BTRC: variants seen among roughly 807,000 people sequenced by gnomAD.
The protein encoded by BTRC is beta-transducin repeat containing E3 ubiquitin protein ligase, also known as F-box/WD repeat-containing protein 1A.
Under a neutral mutation model 85.5 loss-of-function variants are expected in BTRC, and 42 were observed. That is an observed-to-expected ratio of 0.49 (90% CI 0.38 to 0.64). The LOEUF is 0.64. Ranked by LOEUF, BTRC falls within the 30% of genes least tolerant of loss-of-function variation. BTRC has a pLI of 0.00. For missense variants in BTRC, 594 were observed against 743.5 expected (o/e 0.80, Z 2.34); for synonymous variants, 255 against 263.3 (o/e 0.97, Z 0.30).
intron 3 of BTRC, among the ~76,000 whole-genome samples, chr10:101,472,117 T>A (rs1300997959): frequency 6.6e-6 from 1 of 152,192 alleles, no homozygotes; most frequent in East Asian, 1.9e-4. Flanking sequence ...TTCTTTTACA[T>A]CTATATTTAT....
chr10:101,456,174 A>C (rs1362187056), intron 2 of BTRC, among the ~76,000 whole-genome samples: 1 of 152,064 alleles, frequency 6.6e-6, no homozygotes, highest in East Asian at 1.9e-4. Flanking sequence ...GTTTCAAAAA[A>C]AAAAAAAGAA....
At chr10:101,382,156 T>C (rs548815316) in intron 1 of BTRC, among the ~76,000 whole-genome samples, 18 of 151,890 alleles carry the variant, frequency 1.2e-4, no homozygotes, top group Non-Finnish European at 1.6e-4. Flanking sequence ...TTAATTTTTG[T>C]ATTTTTAGTA....
At chr10:101,541,013 G>A (rs1207625265) in intron 13 of BTRC, among the ~76,000 whole-genome samples, 1 of 151,520 alleles carries the variant, frequency 6.6e-6, no homozygotes, top group Non-Finnish European at 1.5e-5. Flanking sequence ...TTAAACCTTG[G>A]TTTCTGATTG....
intron 2 of BTRC, among the ~76,000 whole-genome samples, chr10:101,456,063 C>T (rs190007124): frequency 0.012 from 1,725 of 148,436 alleles, 18 homozygotes; most frequent in Middle Eastern, 0.028. Flanking sequence ...CCCAGCTACT[C>T]GGGAGGCTGA....
rs1470118282 is a variant in BTRC, at chr10:101,507,108, C to G, written c.325-14531C>G. On this transcript the variant is annotated intron_variant, in intron 4 of 14. Transcript: ENST00000370187. ...TTGTTTCCTTGCATTGCCCTTCTCC[C>G]TGTTTTTTCTTCTCTTACTTCCCCA... Among the ~76,000 whole-genome samples, 3 of 152,190 alleles carry G rather than the reference C, an allele frequency of 2.0e-5. No homozygotes were observed. In the East Asian group the frequency reaches 5.8e-4, roughly 29 times the overall value.
intron 4 of BTRC, among the ~76,000 whole-genome samples, chr10:101,501,503 T>C (rs1946400250): frequency 6.6e-6 from 1 of 152,194 alleles, no homozygotes; most frequent in African/African-American, 2.4e-5. Context: ...CATTAAAACA[T>C]TTATGTCAAC....
At chr10:101,402,763 GAT>G (rs781593398) in intron 1 of BTRC, among the ~76,000 whole-genome samples, 2 of 152,164 alleles carry the variant, frequency 1.3e-5, no homozygotes, top group Non-Finnish European at 2.9e-5. Context: ...TCCACAACCT[GAT>G]ATGTCATGCC....
intron 1 of BTRC, among the ~76,000 whole-genome samples, chr10:101,360,634 G>T (rs1486013701): frequency 1.3e-5 from 2 of 152,004 alleles, no homozygotes; most frequent in Non-Finnish European, 2.9e-5. Flanking sequence ...GCCTCCCAAA[G>T]TGCTGGGATT....
At chr10:101,389,988 A>C (rs1943195698) in intron 1 of BTRC, among the ~76,000 whole-genome samples, 1 of 152,146 alleles carries the variant, frequency 6.6e-6, no homozygotes, top group African/African-American at 2.4e-5. Flanking sequence ...TTTTTGGTTG[A>C]GTCCTTCGTT....
intron 14 of BTRC, among the ~76,000 whole-genome samples, chr10:101,552,627 C>G (rs1450230937): frequency 6.6e-6 from 1 of 152,122 alleles, no homozygotes; most frequent in Non-Finnish European, 1.5e-5. Flanking sequence ...AATCTCCAGG[C>G]CACATTTCCA....
chr10:101,383,531 T>A (rs1048903482), intron 1 of BTRC, among the ~76,000 whole-genome samples: 3 of 152,142 alleles, frequency 2.0e-5, no homozygotes, highest in Non-Finnish European at 2.9e-5. Context: ...CTTCCTTTCT[T>A]TCCTTCTTTC....
chr10:101,414,752 G>A lies in BTRC; in HGVS notation c.49-15593G>A, dbSNP rs1285420904. ...GCTAATGTAATGTGTGTGTTCATGTGTTGGTTTTCAACAAAGATGTTTAAA... is the reference window on the plus strand; with the variant it reads ...GCTAATGTAATGTGTGTGTTCATGTATTGGTTTTCAACAAAGATGTTTAAA... On this transcript the variant is annotated intron_variant, in intron 1 of 14. Coordinates refer to ENST00000370187, the MANE Select transcript of BTRC (RefSeq NM_033637.4). 9 of 333,982 alleles carry A rather than the reference G, an allele frequency of 2.7e-5. No individual in the cohort carries two copies. The Admixed American group carries it at 2.9e-4, about 11-fold the overall frequency. The allele number at this position is 333,982 out of a possible 1,614,324, so 20.7% of individuals were successfully genotyped here. A position where few individuals can be genotyped will look rare whatever the true frequency, so the allele number is the denominator to read the frequency against.
intron 1 of BTRC, among the ~76,000 whole-genome samples, chr10:101,371,463 C>G (rs1017689591): frequency 6.6e-6 from 1 of 152,228 alleles, no homozygotes; most frequent in African/African-American, 2.4e-5. Context: ...AGGCATGAGC[C>G]ACTGAGCCCA....
intron 4 of BTRC, among the ~76,000 whole-genome samples, chr10:101,520,781 A>G (rs1286188576): frequency 6.6e-6 from 1 of 152,054 alleles, no homozygotes; most frequent in Non-Finnish European, 1.5e-5. Context: ...AACATGATGA[A>G]ACCCTGTCTC....
At chr10:101,412,103 G>A (rs1943796285) in intron 1 of BTRC, among the ~76,000 whole-genome samples, 1 of 152,188 alleles carries the variant, frequency 6.6e-6, no homozygotes, top group Admixed American at 6.5e-5. Context: ...TCTAGTTGCT[G>A]AGCTTATAGT....
chr10:101,395,356 T>G (rs1943338116), intron 1 of BTRC, among the ~76,000 whole-genome samples: 1 of 152,196 alleles, frequency 6.6e-6, no homozygotes, highest in South Asian at 2.1e-4. Context: ...CAACACCCTC[T>G]GTGCTGCTGT....
chr10:101,521,864 C>G lies in BTRC; in HGVS notation c.550C>G (p.Leu184Val). Residue 184 changes from leucine to valine, a missense_variant, in exon 5 of 15, where the codon CTG (leucine) becomes GTG (valine). Transcript: ENST00000370187. ...GTTGCAGAGAGATTTCATAACTGCTCTGCCAGGTATGTCTACAAGTGTTTG... is the reference window on the plus strand; with the variant it reads ...GTTGCAGAGAGATTTCATAACTGCTGTGCCAGGTATGTCTACAAGTGTTTG... ...PMLQRDFITA[L>V]PARGLDHIAE... 1 of 1,605,312 alleles carries G rather than the reference C, an allele frequency of 6.2e-7. No individual in the cohort carries two copies. Among genetic ancestry groups the G allele is most frequent in the Non-Finnish European group, 8.5e-7 (1 of 1,172,092 alleles).
At chr10:101,528,321 C>G (rs1240230504) in intron 6 of BTRC, among the ~76,000 whole-genome samples, 2 of 152,114 alleles carry the variant, frequency 1.3e-5, no homozygotes, top group Non-Finnish European at 2.9e-5. Flanking sequence ...TAAAAGGCTC[C>G]ACAGTTTTGC....
At chr10:101,405,816 A>G (rs144999600) in intron 1 of BTRC, among the ~76,000 whole-genome samples, 1 of 152,296 alleles carries the variant, frequency 6.6e-6, no homozygotes, top group African/African-American at 2.4e-5. Flanking sequence ...AACAACATAC[A>G]CTGCAAGTTC....
Sources: gnomAD v4.1 joint callset for allele counts (sites outside exome capture counted in the v4.1 genomes callset) on GRCh38, gnomAD v4.1.1 for gene constraint, MANE v1.5 for transcripts, NCBI Gene and HGNC (gene_info 2026-07-23, HGNC 2026-07-21) for gene names.